Variants in ARHGEF19 observed in about 807,000 individuals in gnomAD.
The protein encoded by ARHGEF19 is Rho guanine nucleotide exchange factor 19.
Under a neutral mutation model 87.6 loss-of-function variants are expected in ARHGEF19, and 92 were observed. The ratio of observed to expected loss-of-function variants is 1.05; its 90% confidence interval spans 0.89 to 1.25. The LOEUF is 1.25. ARHGEF19 is among the 50% of genes most tolerant of loss of function. ARHGEF19 has a pLI of 0.00. For synonymous variants in ARHGEF19, 438 were observed against 446.2 expected, an observed-to-expected ratio of 0.98 and a Z score of 0.23; for missense variants, 1,054 against 1,051.8, an observed-to-expected ratio of 1.00 and a Z score of -0.03.
chr1:16,207,957 T>C lies in ARHGEF19; in HGVS notation c.681A>G (p.Gly227=). 4.4e-6 allele frequency: 7 copies of C among 1,576,612 alleles called. No homozygotes were observed. Among genetic ancestry groups the C allele is most frequent in the Non-Finnish European group, 6.0e-6 (7 of 1,160,398 alleles). Residue 227 remains glycine (G), a synonymous_variant, in exon 3 of 16, where the codon GGA becomes GGG. Transcript: ENST00000270747. This position sits in a 1 kb window ranked among gnomAD's most constrained non-coding sequence, Gnocchi z 4.0. ...AGGAGCTGGTACCTTCCCGGGCTGC[T>C]CCGGTGCCTGACCCAGAGATGAGTG... The part of the protein sequence containing the change: ...ARALISGSGT[G]AAREGKASGM...
In ARHGEF19 at chr1:16,207,518, G is replaced by C. The variant is rs752943066; in HGVS notation, c.874+4C>G. 1 of 1,613,608 alleles carries C rather than the reference G, an allele frequency of 6.2e-7. No individual in the cohort carries two copies. The highest frequency in any genetic ancestry group is 8.5e-7 in the Non-Finnish European group (1 of 1,179,832). On this transcript the variant is annotated splice_donor_region_variant and intron_variant, in intron 5 of 15. Coordinates refer to ENST00000270747, the MANE Select transcript of ARHGEF19 (RefSeq NM_153213.5). The surrounding 1 kb of genome is among the most constrained non-coding windows in gnomAD (Gnocchi z 4.0). ...CTCCTCCCAGGGACCCCCCTCCCAC[G>C]TACAGTTAAGGAGGAATCGAGACTG...
At chr1:16,203,651 A>G (rs1420339249) in intron 12 of ARHGEF19, among the ~76,000 whole-genome samples, 1 of 152,158 alleles carries the variant, frequency 6.6e-6, no homozygotes, top group Non-Finnish European at 1.5e-5. Context: ...ATCCAGCCAC[A>G]TTAGGCTTCA....
chr1:16,204,145 T>G (rs955813880), intron 12 of ARHGEF19, among the ~76,000 whole-genome samples: 2 of 152,154 alleles, frequency 1.3e-5, no homozygotes, highest in South Asian at 4.1e-4. Context: ...GGATTACAGG[T>G]GTGAGCCACC....
At position 16,208,082 on chromosome 1, in the gene ARHGEF19, C is replaced by T. The variant is rs755764228; in HGVS notation, c.556G>A (p.Val186Met). The T allele has an allele frequency of 2.5e-6, 4 of 1,613,918 alleles. No individual in the cohort carries two copies. In the East Asian group the frequency reaches 8.9e-5, roughly 36 times the overall value. ...PRVELSGSTR[V>M]SLEGPERRRF... is the part of the protein sequence containing the mutation. ...CTCCGCTCAGGACCTTCGAGGCTCA[C>T]TCGGGTGGACCCAGACAACTCCACC... The change falls in exon 3 of 16, where the codon GTG becomes ATG. Residue 186 changes from valine (V) to methionine (M), a missense_variant. Coordinates refer to ENST00000270747, the MANE Select transcript of ARHGEF19 (RefSeq NM_153213.5).
Position 16,206,010 on chromosome 1 carries a change from G to A in ARHGEF19, c.1372C>T (p.His458Tyr), listed in dbSNP as rs762419098. Residue 458 changes from histidine (H) to tyrosine (Y), a missense_variant, in exon 8 of 16, where the codon CAC (histidine) becomes TAC (tyrosine). Transcript: ENST00000270747. This position sits in a 1 kb window ranked among gnomAD's most constrained non-coding sequence, Gnocchi z 4.6. ...RFSVCDVVLD[H>Y]CPAFRRVYLP... ...TAGACTCTGCGGAAGGCCGGGCAGT[G>A]GTCCAGCACCACGTCGCACACGCTG... The A allele has an allele frequency of 3.1e-6, 5 of 1,606,168 alleles. No homozygotes were observed. In the South Asian group the frequency reaches 5.6e-5, roughly 18 times the overall value.
chr1:16,202,844 T>C (rs887030409), intron 12 of ARHGEF19, among the ~76,000 whole-genome samples: 10 of 152,092 alleles, frequency 6.6e-5, no homozygotes, highest in Admixed American at 1.3e-4. Flanking sequence ...CTCTCTCTTT[T>C]TTTTGTTTTT....
At position 16,206,915 on chromosome 1, in the gene ARHGEF19, C is replaced by T. The variant is rs1371603822; in HGVS notation, c.1137+33G>A. The T allele has an allele frequency of 4.2e-6, 6 of 1,433,466 alleles. No individual in the cohort carries two copies. The East Asian group carries it at 1.5e-4, about 35-fold the overall frequency. 88.8% of individuals were successfully genotyped at this position (1,433,466 alleles called of 1,614,324 possible). A position where few individuals can be genotyped will look rare whatever the true frequency, so the allele number is the denominator to read the frequency against. ...CCCGGACCGCGTACTCCCCGGCCCG[C>T]CCCCGCCCCGCCGGGTCCCCGCGCG... On this transcript the variant is annotated intron_variant, in intron 6 of 15. Transcript: ENST00000270747. This position sits in a 1 kb window ranked among gnomAD's most constrained non-coding sequence, Gnocchi z 4.6.
intron 1 of ARHGEF19, among the ~76,000 whole-genome samples, chr1:16,211,175 C>T (rs761800569): frequency 6.6e-6 from 1 of 152,218 alleles, no homozygotes; most frequent in Non-Finnish European, 1.5e-5. Context: ...TTTCTCTAGA[C>T]AGAAGGCAGC....
At position 16,198,575 on chromosome 1, in the gene ARHGEF19, C is replaced by T. The variant is rs1341415290; in HGVS notation, c.*12G>A. The stretch of plus-strand genomic sequence containing the variant: ...CAGGCATGGAGGTGGGGTCCTAGGC[C>T]ATGGCTGCCCATCACACAGGAGCCT... On this transcript the variant is annotated 3_prime_UTR_variant, in exon 16 of 16. Transcript: ENST00000270747. The surrounding 1 kb of genome is among the most constrained non-coding windows in gnomAD (Gnocchi z 4.1). 1 of 1,597,804 alleles carries T rather than the reference C, an allele frequency of 6.3e-7. No individual in the cohort carries two copies. The highest frequency in any genetic ancestry group is 1.3e-5 in the African/African-American group (1 of 74,800).
chr1:16,206,433 C>T lies in ARHGEF19; in HGVS notation c.1138-93G>A. 7.2e-7 allele frequency: 1 copy of T among 1,381,500 alleles called. No individual in the cohort carries two copies. The highest frequency in any genetic ancestry group is 1.0e-6 in the Non-Finnish European group (1 of 993,954). 85.6% of individuals were successfully genotyped at this position (1,381,500 alleles called of 1,614,324 possible). The stretch of plus-strand genomic sequence containing the variant: ...CCCCAGACCCCAGGACGCCACACCT[C>T]GCGTCCTCGCCCCTTCTCTAGCCCC... On this transcript the variant is annotated intron_variant, in intron 6 of 15. Transcript: ENST00000270747. This position sits in a 1 kb window ranked among gnomAD's most constrained non-coding sequence, Gnocchi z 4.6.
At chr1:16,202,044 C>T (rs1292621308) in intron 13 of ARHGEF19, among the ~76,000 whole-genome samples, 183 bp from the exon 14 acceptor site, 1 of 149,894 alleles carries the variant, frequency 6.7e-6, no homozygotes, top group African/African-American at 2.4e-5. Flanking sequence ...AGCCTGTGCC[C>T]CACCCAGCTC....
chr1:16,205,727 C>A lies in ARHGEF19; in HGVS notation c.1452-60G>T. 3.2e-6 allele frequency: 5 copies of A among 1,545,298 alleles called. No individual in the cohort carries two copies. The highest frequency in any genetic ancestry group is 4.4e-6 in the Non-Finnish European group (5 of 1,146,682). On this transcript the variant is annotated intron_variant, in intron 8 of 15. Coordinates refer to ENST00000270747, the MANE Select transcript of ARHGEF19 (RefSeq NM_153213.5). The surrounding 1 kb of genome is among the most constrained non-coding windows in gnomAD (Gnocchi z 5.8). ...GGCCTGAATTCCTGGGATCCACAAC[C>A]CTGGCCATCCACGGGGTCCTCAGGG...
chr1:16,205,860 C>T lies in ARHGEF19; in HGVS notation c.1451+71G>A. 6.5e-7 allele frequency: 1 copy of T among 1,536,544 alleles called. No individual in the cohort carries two copies. Among genetic ancestry groups the T allele is most frequent in the Non-Finnish European group, 8.8e-7 (1 of 1,138,280 alleles). ...CCTCCCAGAGTCACCTTACGTCACCCAGCCCTCAGTGCCTACACCTGCCTG... is the reference window on the plus strand; with the variant it reads ...CCTCCCAGAGTCACCTTACGTCACCTAGCCCTCAGTGCCTACACCTGCCTG... On this transcript the variant is annotated intron_variant, in intron 8 of 15. Coordinates refer to ENST00000270747, the MANE Select transcript of ARHGEF19 (RefSeq NM_153213.5). The surrounding 1 kb of genome is among the most constrained non-coding windows in gnomAD (Gnocchi z 5.8).
In ARHGEF19 at chr1:16,206,410, C is replaced by A. The variant is rs1333795263; in HGVS notation, c.1138-70G>T. 6.6e-7 allele frequency: 1 copy of A among 1,518,124 alleles called. No homozygotes were observed. The highest frequency in any genetic ancestry group is 9.0e-7 in the Non-Finnish European group (1 of 1,116,880). 94.0% of individuals were successfully genotyped at this position (1,518,124 alleles called of 1,614,324 possible). On this transcript the variant is annotated intron_variant, in intron 6 of 15. Coordinates refer to ENST00000270747, the MANE Select transcript of ARHGEF19 (RefSeq NM_153213.5). This position sits in a 1 kb window ranked among gnomAD's most constrained non-coding sequence, Gnocchi z 4.6. ...CCTCGGAGGCCCTGGCCTCACATCCCCAGACCCCAGGACGCCACACCTCGC... is the reference window on the plus strand; with the variant it reads ...CCTCGGAGGCCCTGGCCTCACATCCACAGACCCCAGGACGCCACACCTCGC...
intron 14 of ARHGEF19, among the ~76,000 whole-genome samples, chr1:16,200,540 C>G (rs538371544): frequency 6.6e-6 from 1 of 151,184 alleles, no homozygotes; most frequent in Non-Finnish European, 1.5e-5. Flanking sequence ...GCCAGGAGTT[C>G]GAGACCAGCC....
intron 13 of ARHGEF19, among the ~76,000 whole-genome samples, chr1:16,202,072 G>A (rs968195449): frequency 2.7e-5 from 4 of 149,570 alleles, no homozygotes; most frequent in African/African-American, 9.8e-5. Context: ...AACAGGCCCA[G>A]AACCCCCTGG....
intron 1 of ARHGEF19, among the ~76,000 whole-genome samples, chr1:16,212,081 C>G (rs1256484809): frequency 6.6e-6 from 1 of 152,346 alleles, no homozygotes; most frequent in East Asian, 1.9e-4. Flanking sequence ...TCATAAATGT[C>G]TCTGGGCCAA....
At chr1:16,202,700 C>T in intron 12 of ARHGEF19, 126 bp from the exon 13 acceptor site, 3 of 1,240,496 alleles carry the variant, frequency 2.4e-6, no homozygotes, top group Non-Finnish European at 3.4e-6. Context: ...AGCGTTCTCA[C>T]AGGGTCCTGC....
At chr1:16,204,395 A>T (rs912058586) in intron 12 of ARHGEF19, among the ~76,000 whole-genome samples, 2 of 152,180 alleles carry the variant, frequency 1.3e-5, no homozygotes, top group African/African-American at 4.8e-5. Context: ...GGAATAATCC[A>T]CGTAGCATGC....
Sources: gnomAD v4.1 joint callset for allele counts (sites outside exome capture counted in the v4.1 genomes callset) on GRCh38, gnomAD v4.1.1 for gene constraint, Gnocchi (gnomAD v3.1) non-coding constraint, MANE v1.5 for transcripts, NCBI Gene and HGNC (gene_info 2026-07-23, HGNC 2026-07-21) for gene names.